RBM33: variants seen among roughly 807,000 people sequenced by gnomAD.
RBM33 encodes RNA-binding protein 33.
In RBM33, 28 loss-of-function variants were observed where a neutral mutation model predicts 132.6. That is an observed-to-expected ratio of 0.21 (90% CI 0.16 to 0.29). The LOEUF is 0.29. Ranked by LOEUF, RBM33 falls within the 10% of genes least tolerant of loss-of-function variation. RBM33 has a pLI of 1.00. For missense variants in RBM33, 1,291 were observed against 1,518.5 expected, an observed-to-expected ratio of 0.85 and a Z score of 2.49; for synonymous variants, 634 against 593.0, an observed-to-expected ratio of 1.07 and a Z score of -1.01.
chr7:155,770,880 G>C (rs1279199501), intron 16 of RBM33, among the ~76,000 whole-genome samples: 2 of 152,274 alleles, frequency 1.3e-5, no homozygotes, highest in East Asian at 3.9e-4. Flanking sequence ...TTGTTGATTC[G>C]ATCTTACGGT....
At chr7:155,706,145 A>G (rs893033244) in intron 6 of RBM33, among the ~76,000 whole-genome samples, 3 of 152,180 alleles carry the variant, frequency 2.0e-5, no homozygotes, top group African/African-American at 7.2e-5. Flanking sequence ...AGAAAATCAT[A>G]CTGCTGTAGG....
intron 14 of RBM33, among the ~76,000 whole-genome samples, chr7:155,755,008 T>A (rs994768276): frequency 6.6e-6 from 1 of 152,234 alleles, no homozygotes; most frequent in African/African-American, 2.4e-5. Flanking sequence ...ATATTTTCTT[T>A]TACCCCCTCT....
chr7:155,718,326 T>G (rs1800524844), intron 8 of RBM33, 59 bp from the exon 9 acceptor site: 1 of 1,317,812 alleles, frequency 7.6e-7, no homozygotes, highest in Admixed American at 1.7e-5. Context: ...ATATGTTGTC[T>G]TACAGGGGTT....
intron 1 of RBM33, among the ~76,000 whole-genome samples, chr7:155,661,146 A>ATATATATATT (rs1421586760): frequency 1.4e-4 from 11 of 81,186 alleles, no homozygotes; most frequent in South Asian, 1.0e-3. Flanking sequence ...ATATATATAT[A>ATATATATATT]TTTTTTTTTT....
chr7:155,760,940 C>G (rs974989959), intron 14 of RBM33, among the ~76,000 whole-genome samples: 3 of 152,170 alleles, frequency 2.0e-5, no homozygotes, highest in African/African-American at 7.2e-5. Flanking sequence ...GGGGTAGCCC[C>G]TGTAAGACAG....
chr7:155,712,500 G>A (rs1461795822), intron 8 of RBM33, among the ~76,000 whole-genome samples: 3 of 152,188 alleles, frequency 2.0e-5, no homozygotes, highest in Non-Finnish European at 4.4e-5. Context: ...ATTTTATGTG[G>A]CATGTTAGAA....
chr7:155,777,921 T>C lies in RBM33; in HGVS notation c.*2880T>C, dbSNP rs1802674476. On this transcript the variant is annotated 3_prime_UTR_variant, in exon 18 of 18. Transcript: ENST00000401878. Reference sequence around the variant, plus strand: ...TCTCATAAGGTAAACCAATAGCTGATTATGTGGAGCCAAGTTACTTCTTTT... The same window carrying C: ...TCTCATAAGGTAAACCAATAGCTGACTATGTGGAGCCAAGTTACTTCTTTT... The C allele has an allele frequency of 1.3e-5, 2 of 152,686 alleles. No homozygotes were observed. Among genetic ancestry groups the C allele is most frequent in the Admixed American group, 6.5e-5 (1 of 15,282 alleles). The allele number at this position is 152,686 out of a possible 1,614,324, so 9.5% of individuals were successfully genotyped here.
intron 14 of RBM33, among the ~76,000 whole-genome samples, chr7:155,756,048 G>C (rs948020300): frequency 2.0e-5 from 3 of 152,182 alleles, no homozygotes; most frequent in Admixed American, 6.5e-5. Flanking sequence ...TTAAAATGCT[G>C]TCTGAACCTA....
intron 6 of RBM33, among the ~76,000 whole-genome samples, chr7:155,704,742 T>C (rs1800067165): frequency 1.3e-5 from 2 of 152,246 alleles, no homozygotes; most frequent in African/African-American, 4.8e-5. Context: ...TTACATGTTC[T>C]TTTTTATTGC....
At chr7:155,673,591 TATACACACATATACATAC>T (rs1563137567) in intron 3 of RBM33, among the ~76,000 whole-genome samples, 11 of 94,914 alleles carry the variant, frequency 1.2e-4, no homozygotes, top group African/African-American at 4.1e-4. Context: ...TGTATATATA[TATACACACATATACATAC>T]ACACGTGTAT....
At chr7:155,757,495 A>C (rs935533307) in intron 14 of RBM33, among the ~76,000 whole-genome samples, 3 of 152,170 alleles carry the variant, frequency 2.0e-5, no homozygotes, top group African/African-American at 7.2e-5. Flanking sequence ...AAGTGATTTA[A>C]TTGTTGATCC....
At chr7:155,765,278 C>T (rs927434563) in intron 15 of RBM33, among the ~76,000 whole-genome samples, 1 of 152,220 alleles carries the variant, frequency 6.6e-6, no homozygotes, top group Non-Finnish European at 1.5e-5. Context: ...TCATAACTTA[C>T]TCTAGTTAGA....
rs1798767555 is a variant in RBM33 at position 155,665,171 on chromosome 7, A to G, written c.44-4A>G. 3.7e-6 allele frequency: 6 copies of G among 1,613,638 alleles called. No homozygotes were observed. In the East Asian group the frequency reaches 1.3e-4, roughly 36 times the overall value. ...AAACTGACTTCAATGGACTGTTCTC[A>G]TAGATGATGACTTTGACCAGTTTGA... On this transcript the variant is annotated splice_region_variant and splice_polypyrimidine_tract_variant and intron_variant, in intron 1 of 17. Transcript: ENST00000401878.
chr7:155,707,250 AGC>A (rs1800143863), intron 7 of RBM33, 182 bp downstream of exon 7: 1 of 702,944 alleles, frequency 1.4e-6, no homozygotes, highest in Non-Finnish European at 2.6e-6. Flanking sequence ...TTAGAAATTC[AGC>A]ACTCCAGTCA....
At chr7:155,758,024 C>T (rs1801908571) in intron 14 of RBM33, among the ~76,000 whole-genome samples, 1 of 152,184 alleles carries the variant, frequency 6.6e-6, no homozygotes, top group East Asian at 1.9e-4. Flanking sequence ...TAAGCCCCAC[C>T]TCCAGCACTG....
intron 3 of RBM33, among the ~76,000 whole-genome samples, chr7:155,676,763 A>G (rs530465348): frequency 5.9e-5 from 9 of 152,286 alleles, no homozygotes; most frequent in Admixed American, 2.0e-4. Context: ...GGCCTCAAGG[A>G]TGTAGCCTAG....
At chr7:155,763,375 T>C (rs1478610224) in intron 14 of RBM33, among the ~76,000 whole-genome samples, 1 of 152,232 alleles carries the variant, frequency 6.6e-6, no homozygotes, top group Non-Finnish European at 1.5e-5. Flanking sequence ...CTCATTGCCT[T>C]CTTAGGGTAG....
At chr7:155,686,846 A>G (rs1045738822) in intron 5 of RBM33, among the ~76,000 whole-genome samples, 2 of 152,198 alleles carry the variant, frequency 1.3e-5, no homozygotes, top group African/African-American at 4.8e-5. Context: ...TCCATGGTGT[A>G]TATGTGCCAC....
intron 3 of RBM33, among the ~76,000 whole-genome samples, chr7:155,673,497 C>CAT (rs550677638): frequency 7.4e-6 from 1 of 135,878 alleles, no homozygotes; most frequent in African/African-American, 3.2e-5. Context: ...TATATACACA[C>CAT]ATATATACAT....
Sources: allele counts gnomAD v4.1 joint callset (sites outside exome capture counted in the v4.1 genomes callset), GRCh38; gene constraint gnomAD v4.1.1; transcripts MANE v1.5; gene names NCBI Gene and HGNC (gene_info 2026-07-23, HGNC 2026-07-21).